The following HCN1 variants were observed in gnomAD, a reference collection of about 807,000 sequenced individuals.
The protein encoded by HCN1 is potassium/sodium hyperpolarization-activated cyclic nucleotide-gated channel 1.
In HCN1, 13 loss-of-function variants were observed where a neutral mutation model predicts 78.9. The observed-to-expected ratio is 0.16, with a 90% CI of 0.11 to 0.26. The LOEUF (loss-of-function observed/expected upper bound fraction) is 0.26. HCN1 is among the 10% of genes least tolerant of loss of function. The pLI is 1.00. For missense variants in HCN1, 810 were observed against 1,154.3 expected (o/e 0.70, Z 4.32); for synonymous variants, 552 against 455.5 (o/e 1.21, Z -2.70).
At chr5:45,361,983 T>C (rs1169889886) in intron 4 of HCN1, among the ~76,000 whole-genome samples, 1 of 152,124 alleles carries the variant, frequency 6.6e-6, no homozygotes, top group Admixed American at 6.6e-5. Context: ...GTTAATTTAT[T>C]TGTAATTATG....
chr5:45,390,863 A>C (rs1409113067), intron 4 of HCN1, among the ~76,000 whole-genome samples: 2 of 152,136 alleles, frequency 1.3e-5, no homozygotes, highest in Admixed American at 1.3e-4. Flanking sequence ...ATATAAAGCA[A>C]CATTGTTGTA....
intron 5 of HCN1, among the ~76,000 whole-genome samples, chr5:45,346,260 A>G (rs1228758374): frequency 2.0e-5 from 3 of 152,190 alleles, no homozygotes; most frequent in Admixed American, 2.0e-4. Context: ...CAAATGAAAA[A>G]CTTTGGTAAA....
chr5:45,495,316 A>G (rs1383512846), intron 2 of HCN1, among the ~76,000 whole-genome samples: 4 of 132,706 alleles, frequency 3.0e-5, no homozygotes, highest in East Asian at 4.3e-4. Flanking sequence ...GGTCCTTCAC[A>G]TCCCTTGTAA....
At chr5:45,462,927 T>G (rs193143657) in intron 2 of HCN1, among the ~76,000 whole-genome samples, 1 of 152,126 alleles carries the variant, frequency 6.6e-6, no homozygotes, top group East Asian at 1.9e-4. Context: ...TTTTACCTAG[T>G]CTAGAATAGC....
chr5:45,374,076 T>C (rs1412675289), intron 4 of HCN1, among the ~76,000 whole-genome samples: 131 of 104,116 alleles, frequency 1.3e-3, no homozygotes, highest in African/African-American at 4.4e-3. Context: ...ATATATATAA[T>C]ATCTATTACA....
intron 5 of HCN1, among the ~76,000 whole-genome samples, chr5:45,304,450 G>T (rs1745688688): frequency 6.6e-6 from 1 of 152,024 alleles, no homozygotes; most frequent in Admixed American, 6.6e-5. Context: ...GGCCAAGGCG[G>T]GTGGATCACG....
intron 3 of HCN1, among the ~76,000 whole-genome samples, chr5:45,419,074 T>G (rs1740174016): frequency 6.6e-6 from 1 of 152,186 alleles, no homozygotes; most frequent in African/African-American, 2.4e-5. Flanking sequence ...CTGGACACTT[T>G]CAGGAACTTG....
intron 5 of HCN1, among the ~76,000 whole-genome samples, chr5:45,335,826 A>G (rs1438536643): frequency 1.3e-5 from 2 of 152,080 alleles, no homozygotes; most frequent in Non-Finnish European, 2.9e-5. Context: ...TCAAGATGAG[A>G]AAAATGAAGT....
At chr5:45,263,816 G>A (rs574493073) in intron 7 of HCN1, among the ~76,000 whole-genome samples, 38 of 151,122 alleles carry the variant, frequency 2.5e-4, no homozygotes, top group African/African-American at 8.7e-4. Flanking sequence ...TTTTTGAGAC[G>A]GAGTCTCGCT....
At chr5:45,542,050 T>G (rs1359756689) in intron 2 of HCN1, among the ~76,000 whole-genome samples, 1 of 152,114 alleles carries the variant, frequency 6.6e-6, no homozygotes, top group Non-Finnish European at 1.5e-5. Context: ...ATTAATATAT[T>G]TTTCTATAAT....
chr5:45,339,701 G>C (rs758077222), intron 5 of HCN1, among the ~76,000 whole-genome samples: 1 of 152,222 alleles, frequency 6.6e-6, no homozygotes, highest in African/African-American at 2.4e-5. Flanking sequence ...GAAAAGTTGT[G>C]ACAGATGTTG....
chr5:45,372,010 TC>T (rs1339550910), intron 4 of HCN1, among the ~76,000 whole-genome samples: 1 of 75,014 alleles, frequency 1.3e-5, no homozygotes, highest in Non-Finnish European at 2.3e-5. Context: ...ATAGTATATA[TC>T]ATATAATATA....
chr5:45,279,297 T>G (rs1189451318), intron 6 of HCN1, among the ~76,000 whole-genome samples: 1 of 152,110 alleles, frequency 6.6e-6, no homozygotes, highest in Non-Finnish European at 1.5e-5. Flanking sequence ...CACCAAGGGG[T>G]CTGCCTTTCA....
In HCN1 at chr5:45,539,720, A is replaced by C. The variant is rs1446163799; in HGVS notation, c.850-77713T>G. 4.0e-5 allele frequency among the ~76,000 whole-genome samples: 6 copies of C among 148,270 alleles called. No homozygotes were observed. In the South Asian group the frequency reaches 6.3e-4, roughly 16 times the overall value. ...AAATATTATTTTAAATATTTTAATA[A>C]AATATTTAATATTATTATTTTAAAT... On this transcript the variant is annotated intron_variant, in intron 2 of 7. Transcript: ENST00000303230.
intron 6 of HCN1, among the ~76,000 whole-genome samples, chr5:45,295,980 T>G (rs529745724): frequency 6.2e-4 from 95 of 152,146 alleles, no homozygotes; most frequent in Non-Finnish European, 1.2e-3. Context: ...TAAAACTGCA[T>G]GTTGATATTC....
In HCN1 at chr5:45,271,365, C is replaced by CACAA. The variant is rs1579769158; in HGVS notation, c.1619-4113_1619-4112insTTGT. Among the ~76,000 whole-genome samples the CACAA allele has an allele frequency of 2.1e-5, 3 of 141,404 alleles. No homozygotes were observed. The East Asian group carries it at 6.1e-4, about 29-fold the overall frequency. 92.8% of individuals were successfully genotyped at this position (141,404 alleles called of 152,430 possible). A position where few individuals can be genotyped will look rare whatever the true frequency, so the allele number is the denominator to read the frequency against. On this transcript the variant is annotated intron_variant, in intron 6 of 7. Coordinates refer to ENST00000303230, the MANE Select transcript of HCN1 (RefSeq NM_021072.4). ...GGTTTCCTGCTGATTCAGGTACACA[C>CACAA]ACACACACACACACACACACACACA...
chr5:45,466,368 T>C (rs1277240382), intron 2 of HCN1, among the ~76,000 whole-genome samples: 2 of 152,208 alleles, frequency 1.3e-5, no homozygotes, highest in African/African-American at 4.8e-5. Flanking sequence ...AAACTGCTTT[T>C]AGTCGTTGAC....
intron 2 of HCN1, among the ~76,000 whole-genome samples, chr5:45,592,500 T>C (rs1220425393): frequency 2.0e-5 from 3 of 152,188 alleles, no homozygotes; most frequent in African/African-American, 4.8e-5. Flanking sequence ...AATTAATCTA[T>C]GTATTATCAT....
intron 3 of HCN1, among the ~76,000 whole-genome samples, chr5:45,442,636 AC>A (rs1740701784): frequency 6.6e-6 from 1 of 152,152 alleles, no homozygotes; most frequent in African/African-American, 2.4e-5. Context: ...ACAATAAAAA[AC>A]ATCTGAATAT....
Sources: gnomAD v4.1 joint callset for allele counts (sites outside exome capture counted in the v4.1 genomes callset) on GRCh38, gnomAD v4.1.1 for gene constraint, MANE v1.5 for transcripts, NCBI Gene and HGNC (gene_info 2026-07-23, HGNC 2026-07-21) for gene names.